ZNF214: variants seen among roughly 807,000 people sequenced by gnomAD.
ZNF214 encodes the protein BWSCR2-associated zinc finger protein 1.
ZNF214 carries 43 observed loss-of-function variants against 53.9 expected under a neutral mutation model. The observed-to-expected ratio is 0.80, with a 90% CI of 0.63 to 1.03. ZNF214 has a LOEUF of 1.03. Ranked by LOEUF, ZNF214 falls within the 50% of genes least tolerant of loss-of-function variation. ZNF214 has a pLI of 0.00. For synonymous variants in ZNF214, 217 were observed against 229.5 expected (o/e 0.95, Z 0.49); for missense variants, 724 against 719.1 (o/e 1.01, Z -0.08).
Position 7,000,679 on chromosome 11 carries a change from C to T in ZNF214, c.1004G>A (p.Cys335Tyr). ...HTEEKFYKIE[C>Y]DKDLSRNSLL... ...TGAATTTCTACTGAGGTCTTTATCA[C>T]ACTCAATTTTATAGAATTTCTCTTC... The change falls in exon 3 of 3, where the codon TGT becomes TAT. Residue 335 changes from cysteine to tyrosine, a missense_variant. Transcript: ENST00000278314. 6.2e-7 allele frequency: 1 copy of T among 1,601,616 alleles called. No individual in the cohort carries two copies. The highest frequency in any genetic ancestry group is 8.5e-7 in the Non-Finnish European group (1 of 1,176,026).
At position 7,000,775 on chromosome 11, in the gene ZNF214, TA is replaced by T. The variant is rs774100532; in HGVS notation, c.907del (p.Tyr303IlefsTer51). 3.7e-6 allele frequency: 6 copies of T among 1,610,806 alleles called. No homozygotes were observed. The Admixed American group carries it at 1.0e-4, about 27-fold the overall frequency. On this transcript the variant is annotated frameshift_variant, in exon 3 of 3. Transcript: ENST00000278314. LOFTEE classifies it high-confidence loss of function. ...HQRVHIGEVP[Y>X]SCNACGKSFS... ...GCTCTTACCACATGCATTACAGCTATAAGGTACCTCCCCTATGTGAACTCTC... is the reference window on the plus strand; with the variant it reads ...GCTCTTACCACATGCATTACAGCTATAGGTACCTCCCCTATGTGAACTCTC...
In ZNF214 at chr11:7,000,684, A is replaced by T; in HGVS notation, c.999T>A (p.Ile333=). Residue 333 remains isoleucine (I), a synonymous_variant, in exon 3 of 3, where the codon ATT becomes ATA. Transcript: ENST00000278314. ...RVHTEEKFYK[I]ECDKDLSRNS... is the part of the protein sequence containing the mutation. ...TTCTACTGAGGTCTTTATCACACTCAATTTTATAGAATTTCTCTTCTGTGT... is the reference window on the plus strand; with the variant it reads ...TTCTACTGAGGTCTTTATCACACTCTATTTTATAGAATTTCTCTTCTGTGT... 1 of 1,601,688 alleles carries T rather than the reference A, an allele frequency of 6.2e-7. No individual in the cohort carries two copies. Among genetic ancestry groups the T allele is most frequent in the Non-Finnish European group, 8.5e-7 (1 of 1,176,098 alleles).
chr11:7,016,123 T>C (rs1851758902), intron 1 of ZNF214: 1 of 152,182 alleles, frequency 6.6e-6, no homozygotes, highest in Admixed American at 6.5e-5. Flanking sequence ...GTTCAAATAA[T>C]AGCTAACAAT....
At position 7,000,341 on chromosome 11, in the gene ZNF214, C is replaced by T. The variant is rs75058643; in HGVS notation, c.1342G>A (p.Gly448Arg). The T allele has an allele frequency of 2.6e-3, 4,272 of 1,613,320 alleles. 108 individuals are homozygous for T. The African/African-American group carries it at 0.051, about 19-fold the overall frequency. The change falls in exon 3 of 3, where the codon GGA becomes AGA. Residue 448 changes from glycine (G) to arginine (R), a missense_variant. Coordinates refer to ENST00000278314, the MANE Select transcript of ZNF214 (RefSeq NM_013249.4). ...GEKPYKCDDC[G>R]KDFSHSSDLR... ...TCTGAGCTGTGACTAAAGTCCTTTC[C>T]ACAGTCATCACATTTATAAGGTTTC...
Position 6,999,955 on chromosome 11 carries a change from A to G in ZNF214, c.1728T>C (p.His576=), listed in dbSNP as rs1322331201. The part of the protein sequence containing the change: ...SSALRIHQRV[H]AGEKPYKCRE... The stretch of plus-strand genomic sequence containing the variant: ...GGCATTTGTAAGGTTTCTCTCCTGC[A>G]TGGACTCTTTGATGAATTCGAAGAG... Residue 576 remains histidine, a synonymous_variant, in exon 3 of 3, where the codon CAT becomes CAC. Coordinates refer to ENST00000278314, the MANE Select transcript of ZNF214 (RefSeq NM_013249.4). The G allele has an allele frequency of 6.2e-7, 1 of 1,613,176 alleles. No homozygotes were observed. Among genetic ancestry groups the G allele is most frequent in the Non-Finnish European group, 8.5e-7 (1 of 1,179,454 alleles).
rs188059440 is a variant in ZNF214, at chr11:7,003,390, C to A, written c.-20-535G>T. 2.0e-5 allele frequency among the ~76,000 whole-genome samples: 3 copies of A among 151,966 alleles called. No individual in the cohort carries two copies. The East Asian group carries it at 5.8e-4, about 29-fold the overall frequency. ...GTTTACAACAAAATGGAAGGAAAGC[C>A]AAATACTATCATCATCAGCAGCAGC... On this transcript the variant is annotated intron_variant, in intron 1 of 2. Coordinates refer to ENST00000278314, the MANE Select transcript of ZNF214 (RefSeq NM_013249.4).
Position 7,001,007 on chromosome 11 carries a change from C to A in ZNF214, c.676G>T (p.Gly226Ter), listed in dbSNP as rs977630569. ...EKYCGCNKCK[G>*]IYYWNSRCVF... is the part of the protein sequence containing the mutation. ...CACCGTGAGTTCCAATAATAAATTC[C>A]TTTACATTTATTACATCCACAGTAC... The change falls in exon 3 of 3, where the codon GGA (glycine) becomes TGA (stop). Residue 226 changes from glycine to a stop codon, truncating the protein, a stop_gained. Coordinates refer to ENST00000278314, the MANE Select transcript of ZNF214 (RefSeq NM_013249.4). LOFTEE classifies it high-confidence loss of function. The A allele has an allele frequency of 1.9e-6, 3 of 1,612,958 alleles. No homozygotes were observed. The East Asian group carries it at 6.7e-5, about 36-fold the overall frequency.
chr11:7,018,495 CTTTT>C (rs55641448), intron 1 of ZNF214, among the ~76,000 whole-genome samples: 105 of 61,888 alleles, frequency 1.7e-3, no homozygotes, highest in African/African-American at 5.5e-3. Flanking sequence ...AATGTTAAGA[CTTTT>C]TTTTTTTTTT....
rs552394800 is a variant in ZNF214, at chr11:7,014,815, A to C, written c.-21+5258T>G. On this transcript the variant is annotated intron_variant, in intron 1 of 2. Coordinates refer to ENST00000278314, the MANE Select transcript of ZNF214 (RefSeq NM_013249.4). ...AACCCTGTCTCTAACAAAAAAAAAA[A>C]AAAACAAAAAAAAAACACTACCCAG... Among the ~76,000 whole-genome samples the C allele has an allele frequency of 1.8e-3, 267 of 149,024 alleles. 6 individuals carry two copies. The highest frequency in any genetic ancestry group is 5.4e-3 in the African/African-American group (219 of 40,824).
intron 1 of ZNF214, among the ~76,000 whole-genome samples, chr11:7,012,322 C>G (rs775290992): frequency 6.6e-6 from 1 of 151,814 alleles, no homozygotes; most frequent in Non-Finnish European, 1.5e-5. Context: ...AACTGATTAA[C>G]TATATGAGAT....
In ZNF214 at chr11:7,001,300, A is replaced by C. The variant is rs1156525; in HGVS notation, c.383T>G (p.Leu128Arg). 0.04 allele frequency: 64,919 copies of C among 1,612,910 alleles called. 1,923 individuals are homozygous for C. The highest frequency in any genetic ancestry group is 0.13 in the East Asian group (5,688 of 44,852). Residue 128 changes from leucine to arginine, a missense_variant, in exon 3 of 3, where the codon CTC (leucine) becomes CGC (arginine). Physicochemically the swap from Leu to Arg is moderately radical, Grantham distance 102. Coordinates refer to ENST00000278314, the MANE Select transcript of ZNF214 (RefSeq NM_013249.4). ...NYELTFESKSLRNLKYKNFMP... is the reference protein window; with the variant it reads ...NYELTFESKSRRNLKYKNFMP... ...AAAATTTTTATATTTTAAGTTCCTG[A>C]GACTTTTGCTTTCAAAAGTCAGTTC...
In ZNF214 at chr11:6,997,366, C is replaced by G. The variant is rs949603160; in HGVS notation, c.*2496G>C. Among the ~76,000 whole-genome samples the G allele has an allele frequency of 6.6e-6, 1 of 151,614 alleles. No individual in the cohort carries two copies. Among genetic ancestry groups the G allele is most frequent in the East Asian group, 1.9e-4 (1 of 5,176 alleles). ...TAGCACATAATTAGAAATTTTTAACCCAGTGTTTTCAACATTTTAAAATGA... is the reference window on the plus strand; with the variant it reads ...TAGCACATAATTAGAAATTTTTAACGCAGTGTTTTCAACATTTTAAAATGA... On this transcript the variant is annotated 3_prime_UTR_variant, in exon 3 of 3. Coordinates refer to ENST00000278314, the MANE Select transcript of ZNF214 (RefSeq NM_013249.4).
chr11:7,015,055 CAA>C (rs1485471040), intron 1 of ZNF214, among the ~76,000 whole-genome samples: 2 of 145,042 alleles, frequency 1.4e-5, no homozygotes, highest in African/African-American at 5.0e-5. Context: ...TAAGAGTATA[CAA>C]AAAGAGTTCA....
intron 1 of ZNF214, among the ~76,000 whole-genome samples, chr11:7,007,012 A>G (rs1851485870): frequency 6.6e-6 from 1 of 151,964 alleles, no homozygotes; most frequent in Admixed American, 6.6e-5. Context: ...ATAGGAGTGA[A>G]CAAAGAAAAA....
intron 1 of ZNF214, among the ~76,000 whole-genome samples, chr11:7,013,213 C>A (rs1411943983): frequency 6.6e-6 from 1 of 152,206 alleles, no homozygotes; most frequent in Non-Finnish European, 1.5e-5. Context: ...CTACTGTACT[C>A]CACTGATGAG....
intron 1 of ZNF214, among the ~76,000 whole-genome samples, chr11:7,016,911 TAAGTAA>T (rs1278453142): frequency 1.3e-5 from 2 of 152,134 alleles, no homozygotes; most frequent in Admixed American, 6.5e-5. Flanking sequence ...CAGAACTATA[TAAGTAA>T]AAGAAATGAG....
At chr11:7,002,572 T>C in intron 2 of ZNF214, 137 bp downstream of exon 2, 1 of 986,284 alleles carries the variant, frequency 1.0e-6, no homozygotes, top group Non-Finnish European at 1.4e-6. Flanking sequence ...TATCTTCTAT[T>C]TGTAACATGA....
At position 7,009,235 on chromosome 11, in the gene ZNF214, A is replaced by G. The variant is rs901020337; in HGVS notation, c.-20-6380T>C. 5.1e-5 allele frequency among the ~76,000 whole-genome samples: 5 copies of G among 98,470 alleles called. No individual in the cohort carries two copies. In the Admixed American group the frequency reaches 5.2e-4, roughly 10 times the overall value. 64.6% of individuals were successfully genotyped at this position (98,470 alleles called of 152,430 possible). On this transcript the variant is annotated intron_variant, in intron 1 of 2. Transcript: ENST00000278314. Reference sequence around the variant, plus strand: ...TACTGATATGAAAACAGACACATACACCAATGGAACAGAATATAGAGCCCA... The same window carrying G: ...TACTGATATGAAAACAGACACATACGCCAATGGAACAGAATATAGAGCCCA...
At position 6,999,196 on chromosome 11, in the gene ZNF214, A is replaced by C. The variant is rs1280194490; in HGVS notation, c.*666T>G. 6.6e-6 allele frequency: 1 copy of C among 152,024 alleles called. No individual in the cohort carries two copies. Among genetic ancestry groups the C allele is most frequent in the East Asian group, 1.9e-4 (1 of 5,176 alleles). The allele number at this position is 152,024 out of a possible 1,614,324, so 9.4% of individuals were successfully genotyped here. On this transcript the variant is annotated 3_prime_UTR_variant, in exon 3 of 3. Transcript: ENST00000278314. The stretch of plus-strand genomic sequence containing the variant: ...TTAAGCGTGGAAAACCGGAAAGGGA[A>C]GGGATGAGTGCACTGTAGTCACCTC...
Sources: gnomAD v4.1 joint callset for allele counts (sites outside exome capture counted in the v4.1 genomes callset) on GRCh38, gnomAD v4.1.1 for gene constraint, MANE v1.5 for transcripts, NCBI Gene and HGNC (gene_info 2026-07-23, HGNC 2026-07-21) for gene names.